The following SLC15A5 variants were observed in gnomAD, a reference collection of about 807,000 sequenced individuals.
The protein encoded by SLC15A5 is Peptide/histidine transporter ENSP00000340402.
In SLC15A5, 58 loss-of-function variants were observed where a neutral mutation model predicts 56.1. The ratio of observed to expected loss-of-function variants is 1.03; its 90% CI spans 0.84 to 1.29. SLC15A5 has a LOEUF of 1.29. SLC15A5 is among the 50% of genes most tolerant of loss of function. The probability of loss-of-function intolerance (pLI) is 0.00; values close to 1 mark genes in which losing one functional copy is unlikely to be tolerated. For synonymous variants in SLC15A5, 264 were observed against 250.5 expected (o/e 1.05, Z -0.51); for missense variants, 681 against 672.1 (o/e 1.01, Z -0.15).
At chr12:16,236,262 C>T (rs1471782284) in intron 5 of SLC15A5, among the ~76,000 whole-genome samples, 1 of 152,036 alleles carries the variant, frequency 6.6e-6, no homozygotes, top group Non-Finnish European at 1.5e-5. Flanking sequence ...ATGAAGTAAA[C>T]CCAATTATGA....
At chr12:16,201,298 C>G (rs936947409) in intron 7 of SLC15A5, among the ~76,000 whole-genome samples, 4 of 151,918 alleles carry the variant, frequency 2.6e-5, no homozygotes, top group Admixed American at 2.6e-4. Context: ...TAATCTTGAG[C>G]AAAAAACAAA....
At chr12:16,258,233 T>C (rs1298507788) in intron 2 of SLC15A5, among the ~76,000 whole-genome samples, 5 of 152,162 alleles carry the variant, frequency 3.3e-5, no homozygotes, top group African/African-American at 1.2e-4. Flanking sequence ...TAGACAACAC[T>C]TAATCATTCA....
intron 7 of SLC15A5, among the ~76,000 whole-genome samples, chr12:16,212,585 G>A (rs1864094329): frequency 6.6e-6 from 1 of 152,178 alleles, no homozygotes. Context: ...TGGGCTGAAT[G>A]ATAGTAATTA....
In SLC15A5 at chr12:16,238,413, G is replaced by T. The variant is rs187615078; in HGVS notation, c.1162+1268C>A. On this transcript the variant is annotated intron_variant, in intron 5 of 8. Transcript: ENST00000344941. The stretch of plus-strand genomic sequence containing the variant: ...GAGGCCGAGGCGGGCGGATCACGAG[G>T]TCAGGAGATTGAGACCATCCTGGCT... Among the ~76,000 whole-genome samples, 88 of 152,014 alleles carry T rather than the reference G, an allele frequency of 5.8e-4. 1 individual carries two copies. The highest frequency in any genetic ancestry group is 1.9e-3 in the African/African-American group (80 of 41,470).
At chr12:16,210,179 C>G (rs573585368) in intron 7 of SLC15A5, among the ~76,000 whole-genome samples, 1 of 152,260 alleles carries the variant, frequency 6.6e-6, no homozygotes, top group East Asian at 1.9e-4. Context: ...GCTTACCAAG[C>G]TAAATTGCAC....
chr12:16,191,607 T>C (rs1863838870), intron 8 of SLC15A5, among the ~76,000 whole-genome samples: 1 of 152,156 alleles, frequency 6.6e-6, no homozygotes, highest in African/African-American at 2.4e-5. Flanking sequence ...CCCCATTTCT[T>C]TGCATGCTTA....
intron 7 of SLC15A5, among the ~76,000 whole-genome samples, chr12:16,204,285 G>A (rs938288026): frequency 2.0e-5 from 3 of 151,674 alleles, no homozygotes; most frequent in Non-Finnish European, 2.9e-5. Flanking sequence ...GTGAAACCCT[G>A]TCTCTACTAA....
At chr12:16,227,296 T>C (rs551416564) in intron 5 of SLC15A5, among the ~76,000 whole-genome samples, 1 of 152,300 alleles carries the variant, frequency 6.6e-6, no homozygotes, top group East Asian at 1.9e-4. Flanking sequence ...TATAATCACC[T>C]TTATCAAGAT....
chr12:16,257,580 A>G (rs1328240470), intron 3 of SLC15A5, 121 bp downstream of exon 3: 3 of 745,740 alleles, frequency 4.0e-6, no homozygotes, highest in Non-Finnish European at 5.7e-6. Context: ...ATCAAGGGTA[A>G]TATCTGACAC....
In SLC15A5 at chr12:16,262,726, T is replaced by C. The variant is rs140158105; in HGVS notation, c.585-4856A>G. Among the ~76,000 whole-genome samples the C allele has an allele frequency of 3.7e-3, 556 of 152,268 alleles. 4 individuals carry two copies. The highest frequency in any genetic ancestry group is 0.012 in the African/African-American group (502 of 41,558). On this transcript the variant is annotated intron_variant, in intron 2 of 8. Coordinates refer to ENST00000344941, the MANE Select transcript of SLC15A5 (RefSeq NM_001170798.1). ...CCCACATGTTGTGGGAGGGACCCAA[T>C]TGGAGATGATTGAATCATGGGGGCG...
intron 4 of SLC15A5, among the ~76,000 whole-genome samples, chr12:16,240,965 AC>A (rs1864408823): frequency 6.6e-6 from 1 of 152,014 alleles, no homozygotes; most frequent in Non-Finnish European, 1.5e-5. Context: ...GGCGCCCGCC[AC>A]CACGCCTGGC....
chr12:16,207,735 C>T (rs990814898), intron 7 of SLC15A5, among the ~76,000 whole-genome samples: 43 of 151,752 alleles, frequency 2.8e-4, no homozygotes, highest in Non-Finnish European at 1.0e-4. Context: ...CTCACTGCAA[C>T]CTCCGCCTCC....
At position 16,272,542 on chromosome 12, in the gene SLC15A5, C is replaced by T. The variant is rs1864770668; in HGVS notation, c.584+19G>A. 6.5e-7 allele frequency: 1 copy of T among 1,534,038 alleles called. No individual in the cohort carries two copies. The highest frequency in any genetic ancestry group is 1.2e-5 in the South Asian group (1 of 83,910). On this transcript the variant is annotated intron_variant, in intron 2 of 8. Coordinates refer to ENST00000344941, the MANE Select transcript of SLC15A5 (RefSeq NM_001170798.1). ...GAATGGTCATAAGCCTCTTTTCTCT[C>T]CTAGCCAGTGCTACTTACCAGTTAA...
chr12:16,206,044 C>T (rs950441935), intron 7 of SLC15A5, among the ~76,000 whole-genome samples: 2 of 152,106 alleles, frequency 1.3e-5, no homozygotes, highest in African/African-American at 4.8e-5. Flanking sequence ...TGAGGCACGC[C>T]TTCTACTTCA....
intron 2 of SLC15A5, among the ~76,000 whole-genome samples, chr12:16,263,171 G>A (rs1864659661): frequency 6.6e-6 from 1 of 152,150 alleles, no homozygotes; most frequent in African/African-American, 2.4e-5. Flanking sequence ...TTGTTGAATG[G>A]CTTTGACCAA....
intron 3 of SLC15A5, among the ~76,000 whole-genome samples, chr12:16,256,929 GATA>G (rs1864581291): frequency 4.0e-5 from 6 of 149,830 alleles, no homozygotes; most frequent in Non-Finnish European, 8.9e-5. Context: ...TAGATAGATA[GATA>G]GATAGATAGA....
chr12:16,231,140 T>C (rs1864293635), intron 5 of SLC15A5, among the ~76,000 whole-genome samples: 1 of 152,158 alleles, frequency 6.6e-6, no homozygotes, highest in Admixed American at 6.5e-5. Context: ...TCTTTGCAAG[T>C]TGGAAAAGAA....
intron 3 of SLC15A5, among the ~76,000 whole-genome samples, chr12:16,257,243 A>G (rs1301344204): frequency 6.6e-6 from 1 of 152,166 alleles, no homozygotes; most frequent in African/African-American, 2.4e-5. Context: ...AATATAACAA[A>G]ATACAAGAAT....
intron 8 of SLC15A5, among the ~76,000 whole-genome samples, chr12:16,190,592 TCAAATGAA>T (rs1373696244): frequency 6.6e-6 from 1 of 152,204 alleles, no homozygotes; most frequent in East Asian, 1.9e-4. Flanking sequence ...TAAATATTTG[TCAAATGAA>T]CAAATGAATA....
Sources: gnomAD v4.1 joint callset for allele counts (sites outside exome capture counted in the v4.1 genomes callset) on GRCh38, gnomAD v4.1.1 for gene constraint, MANE v1.5 for transcripts, NCBI Gene and HGNC (gene_info 2026-07-23, HGNC 2026-07-21) for gene names.